STX3: variants seen among roughly 807,000 people sequenced by gnomAD.
The protein encoded by STX3 is syntaxin-3.
A neutral mutation model predicts 40.2 loss-of-function variants in STX3; 19 were observed. The ratio of observed to expected loss-of-function variants is 0.47; its 90% CI spans 0.33 to 0.69. The LOEUF is 0.69. STX3 is among the 30% of genes least tolerant of loss of function. STX3 has a pLI of 0.02. For synonymous variants in STX3, 122 were observed against 132.2 expected (o/e 0.92, Z 0.53); for missense variants, 364 against 366.7 (o/e 0.99, Z 0.06).
At chr11:59,778,831 C>CTTT (rs112512362) in intron 2 of STX3, among the ~76,000 whole-genome samples, 21 of 125,774 alleles carry the variant, frequency 1.7e-4, no homozygotes, top group Middle Eastern at 4.2e-3. Flanking sequence ...TTTTCTTTTC[C>CTTT]TTTTTTTTTT....
Position 59,769,792 on chromosome 11 carries a change from C to T in STX3, c.31-3419C>T, listed in dbSNP as rs144137736. Among the ~76,000 whole-genome samples, 49 of 152,014 alleles carry T rather than the reference C, an allele frequency of 3.2e-4. No individual in the cohort carries two copies. The East Asian group carries it at 8.7e-3, about 27-fold the overall frequency. On this transcript the variant is annotated intron_variant, in intron 1 of 10. Transcript: ENST00000337979. The stretch of plus-strand genomic sequence containing the variant: ...GTAGCCTCTTCCCATTTCCTTAACA[C>T]GTGTTTGAAGACTGAATTGATGTCT...
rs765859203 is a variant in STX3, at chr11:59,787,049, C to T, written c.127C>T (p.Arg43Trp). The change falls in exon 3 of 11, where the codon CGG becomes TGG. Residue 43 changes from arginine (R) to tryptophan (W), a missense_variant. By Grantham distance (101) the Arg-to-Trp change is moderately radical (BLOSUM62 -3). Transcript: ENST00000337979. ...TTTCTGATTATAGATTGAGGAAACT[C>T]GGCTTAACATTGACAAGATCTCAGA... ...DEFFSEIEETRLNIDKISEHV... is the reference protein window; with the variant it reads ...DEFFSEIEETWLNIDKISEHV... 38 of 1,613,814 alleles carry T rather than the reference C, an allele frequency of 2.4e-5. No homozygotes were observed. The highest frequency in any genetic ancestry group is 1.6e-4 in the Middle Eastern group (1 of 6,084).
At chr11:59,786,891 G>A in intron 2 of STX3, 146 bp from the exon 3 acceptor site, 1 of 644,222 alleles carries the variant, frequency 1.6e-6, no homozygotes, top group East Asian at 2.7e-5. Context: ...GGTACTCACT[G>A]GGCAGCTGAG....
At chr11:59,759,926 C>G (rs1251757984) in intron 1 of STX3, among the ~76,000 whole-genome samples, 2 of 152,152 alleles carry the variant, frequency 1.3e-5, no homozygotes, top group Admixed American at 6.5e-5. Flanking sequence ...TGGATCATAA[C>G]TGAACCTTAA....
At chr11:59,800,443 C>A (rs1865820232) in intron 10 of STX3, 1 of 985,236 alleles carries the variant, frequency 1.0e-6, no homozygotes, top group South Asian at 4.7e-5. Flanking sequence ...ATAGGCTTTT[C>A]ATTGTGTCCT....
At chr11:59,755,332 G>A (rs1474350661), upstream of STX3, 4 of 287,210 alleles carry the variant, frequency 1.4e-5, no homozygotes, top group Non-Finnish European at 1.9e-5. Context: ...GGTAGGGGCG[G>A]GTCCAGGGCG....
chr11:59,793,310 G>A, intron 7 of STX3, 70 bp from the exon 8 acceptor site: 2 of 1,603,148 alleles, frequency 1.2e-6, no homozygotes, highest in Non-Finnish European at 8.5e-7. Flanking sequence ...CCAGGAGCGT[G>A]CATGAGGGCT....
chr11:59,779,931 T>C (rs1864246163), intron 2 of STX3, among the ~76,000 whole-genome samples: 1 of 152,232 alleles, frequency 6.6e-6, no homozygotes, highest in Non-Finnish European at 1.5e-5. Context: ...GGTTAAATAC[T>C]TTTTAATTCT....
intron 1 of STX3, among the ~76,000 whole-genome samples, chr11:59,770,116 ATGTG>A (rs1325542390): frequency 6.9e-6 from 1 of 145,952 alleles, no homozygotes; most frequent in Non-Finnish European, 1.5e-5. Flanking sequence ...GTGTGGGTGT[ATGTG>A]TGGAGTGTGT....
intron 1 of STX3, among the ~76,000 whole-genome samples, chr11:59,771,581 C>T (rs1475866463): frequency 6.6e-6 from 1 of 151,976 alleles, no homozygotes; most frequent in Admixed American, 6.6e-5. Context: ...AGAGGTTGTC[C>T]GAGCTGAGTT....
intron 1 of STX3, among the ~76,000 whole-genome samples, chr11:59,761,671 G>T (rs1346015673): frequency 6.6e-6 from 1 of 152,060 alleles, no homozygotes; most frequent in African/African-American, 2.4e-5. Flanking sequence ...CTGCTTTTTG[G>T]CATTGGACCA....
upstream of STX3, chr11:59,754,698 T>C (rs907296534): frequency 6.6e-6 from 1 of 152,190 alleles, no homozygotes; most frequent in African/African-American, 2.4e-5. Context: ...CCATCTCTGA[T>C]TTACAGACAC....
At chr11:59,765,765 C>G (rs1863250640) in intron 1 of STX3, among the ~76,000 whole-genome samples, 1 of 152,184 alleles carries the variant, frequency 6.6e-6, no homozygotes, top group South Asian at 2.1e-4. Flanking sequence ...GATTGCACCA[C>G]CGTACTCCAG....
chr11:59,798,336 T>A (rs988883939), intron 10 of STX3, among the ~76,000 whole-genome samples: 1 of 151,078 alleles, frequency 6.6e-6, no homozygotes, highest in Non-Finnish European at 1.5e-5. Flanking sequence ...GCCTCCTGAG[T>A]AGCTGGGATT....
chr11:59,762,376 A>G (rs2134869265), intron 1 of STX3, among the ~76,000 whole-genome samples: 1 of 152,324 alleles, frequency 6.6e-6, no homozygotes, highest in South Asian at 2.1e-4. Context: ...TGGTGTCTTT[A>G]TGCATTAGTT....
chr11:59,773,264 C>T lies in STX3; in HGVS notation c.84C>T (p.Asn28=), dbSNP rs776588541. ...ATGCGGTTGAGATTGCTATCGACAA[C>T]ACGGCTTTTATGGACGAGTTCTTTT... ...DTDAVEIAID[N]TAFMDEFFSE... The change falls in exon 2 of 11, where the codon AAC becomes AAT. Residue 28 remains asparagine (N), a synonymous_variant. Coordinates refer to ENST00000337979, the MANE Select transcript of STX3 (RefSeq NM_004177.5). 1 of 1,614,138 alleles carries T rather than the reference C, an allele frequency of 6.2e-7. No homozygotes were observed. Among genetic ancestry groups the T allele is most frequent in the Non-Finnish European group, 8.5e-7 (1 of 1,180,022 alleles).
At position 59,755,384 on chromosome 11, in the gene STX3, A is replaced by C. The variant is rs1018830596; in HGVS notation, c.-222A>C. Reference sequence around the variant, plus strand: ...GCGCCGGCCCGGGAGCCGGATTTGGAGCGCGAGGCGCCGGTGGGGGCGGAG... The same window carrying C: ...GCGCCGGCCCGGGAGCCGGATTTGGCGCGCGAGGCGCCGGTGGGGGCGGAG... On this transcript the variant is annotated 5_prime_UTR_variant, in exon 1 of 11. Coordinates refer to ENST00000337979, the MANE Select transcript of STX3 (RefSeq NM_004177.5). 5.4e-6 allele frequency: 2 copies of C among 368,922 alleles called. No individual in the cohort carries two copies. The highest frequency in any genetic ancestry group is 9.3e-6 in the Non-Finnish European group (2 of 215,630). The allele number at this position is 368,922 out of a possible 1,614,324, so 22.9% of individuals were successfully genotyped here.
At chr11:59,787,390 T>C (rs540911185) in intron 3 of STX3, among the ~76,000 whole-genome samples, 3 of 152,326 alleles carry the variant, frequency 2.0e-5, no homozygotes, top group African/African-American at 7.2e-5. Context: ...TCCCTCTTCC[T>C]GACTGGCGAC....
intron 1 of STX3, among the ~76,000 whole-genome samples, chr11:59,769,259 C>A (rs1016191291): frequency 4.7e-5 from 7 of 149,856 alleles, no homozygotes; most frequent in Non-Finnish European, 8.8e-5. Flanking sequence ...TTGAGAACTT[C>A]CTGTGGAGGA....
Sources: gnomAD v4.1 joint callset for allele counts (sites outside exome capture counted in the v4.1 genomes callset) on GRCh38, gnomAD v4.1.1 for gene constraint, MANE v1.5 for transcripts, NCBI Gene and HGNC (gene_info 2026-07-23, HGNC 2026-07-21) for gene names.